The following GRM8 variants were observed in gnomAD, a reference collection of about 807,000 sequenced individuals.
The protein encoded by GRM8 is metabotropic glutamate receptor 8.
In GRM8, 47 loss-of-function variants were observed where a neutral mutation model predicts 87.2. The observed-to-expected ratio is 0.54, with a 90% confidence interval of 0.43 to 0.69. GRM8 has a LOEUF of 0.69. Ranked by LOEUF, GRM8 falls within the 30% of genes least tolerant of loss-of-function variation. The pLI is 0.00. For synonymous variants in GRM8, 396 were observed against 404.5 expected (o/e 0.98, Z 0.25); for missense variants, 1,019 against 1,139.2 (o/e 0.89, Z 1.52).
intron 3 of GRM8, among the ~76,000 whole-genome samples, chr7:127,067,783 T>A (rs1821278499): frequency 6.6e-6 from 1 of 152,214 alleles, no homozygotes; most frequent in Admixed American, 6.5e-5. Flanking sequence ...TCAGGTTCCA[T>A]CTTTACTTGT....
intron 9 of GRM8, among the ~76,000 whole-genome samples, chr7:126,452,208 C>A (rs1186501833): frequency 6.7e-6 from 1 of 148,850 alleles, no homozygotes; most frequent in Non-Finnish European, 1.5e-5. Context: ...ATGGTATGTT[C>A]TCACTCATAG....
Position 126,781,460 on chromosome 7 carries a change from C to G in GRM8, c.1157-11395G>C, listed in dbSNP as rs943453737. On this transcript the variant is annotated intron_variant, in intron 6 of 10. Coordinates refer to ENST00000339582, the MANE Select transcript of GRM8 (RefSeq NM_000845.3). ...TCATTCAACACTGACTTCAATCATT[C>G]TATTTGCAAGTTACTAATAGTACTC... is the stretch of plus-strand genomic sequence containing the variant. Among the ~76,000 whole-genome samples, 3 of 152,140 alleles carry G rather than the reference C, an allele frequency of 2.0e-5. No individual in the cohort carries two copies. The East Asian group carries it at 5.8e-4, about 29-fold the overall frequency.
intron 3 of GRM8, among the ~76,000 whole-genome samples, chr7:127,021,272 C>T (rs1180658532): frequency 6.6e-6 from 1 of 151,830 alleles, no homozygotes; most frequent in East Asian, 1.9e-4. Flanking sequence ...ACCCTGCCCT[C>T]ACTACTATCC....
intron 6 of GRM8, among the ~76,000 whole-genome samples, chr7:126,873,615 T>G (rs183292231): frequency 6.6e-6 from 1 of 152,144 alleles, no homozygotes; most frequent in East Asian, 1.9e-4. Context: ...TGAGCACATG[T>G]AGAGGAGAAT....
intron 2 of GRM8, among the ~76,000 whole-genome samples, chr7:127,155,751 A>T (rs1792683085): frequency 6.6e-6 from 1 of 152,222 alleles, no homozygotes; most frequent in Admixed American, 6.5e-5. Context: ...ATAAGCACAC[A>T]AACAGCCTGG....
At chr7:127,111,698 T>A (rs957856552) in intron 2 of GRM8, among the ~76,000 whole-genome samples, 3 of 152,204 alleles carry the variant, frequency 2.0e-5, no homozygotes, top group African/African-American at 4.8e-5. Flanking sequence ...CTCAAATCTA[T>A]GCCACACCAG....
chr7:126,843,750 C>T (rs1243184379), intron 6 of GRM8, among the ~76,000 whole-genome samples: 1 of 152,212 alleles, frequency 6.6e-6, no homozygotes, highest in Non-Finnish European at 1.5e-5. Flanking sequence ...CAGGGAGGAA[C>T]AGCGCTGCTG....
At chr7:126,799,065 A>G (rs139616057) in intron 6 of GRM8, among the ~76,000 whole-genome samples, 4 of 152,216 alleles carry the variant, frequency 2.6e-5, no homozygotes, top group African/African-American at 9.6e-5. Context: ...AAAGACATAG[A>G]GGGACTAAAA....
chr7:126,992,831 G>A (rs17862252), intron 3 of GRM8, among the ~76,000 whole-genome samples: 2,667 of 141,016 alleles, frequency 0.019, 60 homozygotes, highest in African/African-American at 0.067. Context: ...GTGTGTGTAT[G>A]TGTGTGTGTG....
chr7:126,687,451 A>G (rs1015261457), intron 7 of GRM8, among the ~76,000 whole-genome samples: 1 of 152,206 alleles, frequency 6.6e-6, no homozygotes, highest in African/African-American at 2.4e-5. Context: ...GCTGAATAGC[A>G]TTCCATTGCA....
intron 7 of GRM8, among the ~76,000 whole-genome samples, chr7:126,663,607 G>A (rs372225254): frequency 1.8e-3 from 272 of 152,194 alleles, no homozygotes; most frequent in Middle Eastern, 6.8e-3. Flanking sequence ...CATGATAAAA[G>A]CTTTCAACAA....
At chr7:126,894,636 G>C (rs2109740) in intron 6 of GRM8, among the ~76,000 whole-genome samples, 117,708 of 151,924 alleles carry the variant, frequency 0.77, 45,994 homozygotes, top group East Asian at 0.97. Context: ...AAGTCAGGCG[G>C]TTCACAAAGA....
chr7:126,463,770 T>G (rs180697748), intron 9 of GRM8, among the ~76,000 whole-genome samples: 1 of 151,560 alleles, frequency 6.6e-6, no homozygotes, highest in Admixed American at 6.6e-5. Context: ...TTGTGCCTGA[T>G]GTACAACTTT....
At chr7:126,997,435 T>A (rs1813290852) in intron 3 of GRM8, among the ~76,000 whole-genome samples, 1 of 144,888 alleles carries the variant, frequency 6.9e-6, no homozygotes, top group Non-Finnish European at 1.5e-5. Context: ...AAAATAAACA[T>A]CAGAGCAGAA....
At chr7:127,018,697 G>A (rs1815958152) in intron 3 of GRM8, among the ~76,000 whole-genome samples, 1 of 151,896 alleles carries the variant, frequency 6.6e-6, no homozygotes, top group Admixed American at 6.6e-5. Flanking sequence ...AGGATTACCA[G>A]GAAGTTTTGC....
At chr7:127,240,680 T>A (rs1707593837) in intron 2 of GRM8, among the ~76,000 whole-genome samples, 1 of 152,076 alleles carries the variant, frequency 6.6e-6, no homozygotes, top group South Asian at 2.1e-4. Flanking sequence ...AGTTGCTAAG[T>A]TAAAAATAGA....
chr7:126,919,029 T>C (rs1804218040), intron 3 of GRM8, among the ~76,000 whole-genome samples: 1 of 152,138 alleles, frequency 6.6e-6, no homozygotes, highest in African/African-American at 2.4e-5. Context: ...CGTTATAGCT[T>C]AACCATATAT....
At chr7:127,018,689 G>A (rs1363397990) in intron 3 of GRM8, among the ~76,000 whole-genome samples, 1 of 151,920 alleles carries the variant, frequency 6.6e-6, no homozygotes, top group Non-Finnish European at 1.5e-5. Context: ...GGCTGCTAAG[G>A]ATTACCAGGA....
intron 3 of GRM8, among the ~76,000 whole-genome samples, chr7:127,073,124 C>G (rs966613525): frequency 6.6e-6 from 1 of 152,152 alleles, no homozygotes; most frequent in Non-Finnish European, 1.5e-5. Context: ...AAGGCAGGAA[C>G]AAACACCACC....
Sources: gnomAD v4.1 joint callset for allele counts (sites outside exome capture counted in the v4.1 genomes callset) on GRCh38, gnomAD v4.1.1 for gene constraint, MANE v1.5 for transcripts, NCBI Gene and HGNC (gene_info 2026-07-23, HGNC 2026-07-21) for gene names.